ATAD2: variants seen among roughly 807,000 people sequenced by gnomAD.
The protein encoded by ATAD2 is ATPase family AAA domain-containing protein 2.
In ATAD2, 62 loss-of-function variants were observed where a neutral mutation model predicts 168.9. The ratio of observed to expected loss-of-function variants is 0.37; its 90% CI spans 0.30 to 0.45. The LOEUF is 0.45. ATAD2 is among the 20% of genes least tolerant of loss of function. The pLI is 1.00. For synonymous variants in ATAD2, 613 were observed against 571.6 expected (o/e 1.07, Z -1.03); for missense variants, 1,419 against 1,667.8 (o/e 0.85, Z 2.60).
intron 1 of ATAD2, among the ~76,000 whole-genome samples, chr8:123,409,374 A>G (rs1813119133): frequency 6.6e-6 from 1 of 152,226 alleles, no homozygotes; most frequent in Non-Finnish European, 1.5e-5. Context: ...CATTGCTGCC[A>G]TAGCACAAAT....
rs3082714 is a variant in ATAD2, at chr8:123,327,511, TA to T, written c.3868+678del. Among the ~76,000 whole-genome samples the T allele has an allele frequency of 3.0e-3, 424 of 141,970 alleles. 1 individual carries two copies. The highest frequency in any genetic ancestry group is 6.2e-3 in the Admixed American group (88 of 14,240). 93.1% of individuals were successfully genotyped at this position (141,970 alleles called of 152,430 possible). On this transcript the variant is annotated intron_variant, in intron 25 of 27. Transcript: ENST00000287394. ...GGCTTGCATTCAGTGTATCAGCCAC[TA>T]AAAAAAAAAAAGTCCATTAACTTAG...
chr8:123,380,565 A>G lies in ATAD2; in HGVS notation c.284T>C (p.Ile95Thr). ...CCTGCCATTAGCAAGTTGCTCCGTT[A>G]TTTCCACATTCTTCTCAAAACTAGA... ...SDSSFEKNVE[I>T]TEQLANGRHF... is the part of the protein sequence containing the mutation. Residue 95 changes from isoleucine to threonine, a missense_variant, in exon 2 of 28, where the codon ATA becomes ACA. Physicochemically the swap from Ile to Thr is moderately conservative, Grantham distance 89. Around this residue, in one of 5 missense-constraint regions of ATAD2, gnomAD observed 419 missense variants for 423.5 expected, o/e 0.99. Coordinates refer to ENST00000287394, the MANE Select transcript of ATAD2 (RefSeq NM_014109.4). The G allele has an allele frequency of 6.2e-7, 1 of 1,614,008 alleles. No homozygotes were observed. Among genetic ancestry groups the G allele is most frequent in the Non-Finnish European group, 8.5e-7 (1 of 1,179,984 alleles).
upstream of ATAD2, among the ~76,000 whole-genome samples, chr8:123,399,512 G>A (rs1272203209): frequency 6.6e-6 from 1 of 152,156 alleles, no homozygotes; most frequent in Non-Finnish European, 1.5e-5. Context: ...ACAGGGTCAT[G>A]TGATACAGAG....
chr8:123,336,038 T>A (rs1827904416), intron 22 of ATAD2, among the ~76,000 whole-genome samples: 1 of 152,194 alleles, frequency 6.6e-6, no homozygotes, highest in Admixed American at 6.5e-5. Flanking sequence ...ACAGAGTGCC[T>A]ACTTTTCCAC....
chr8:123,376,692 C>T (rs2129807280), intron 2 of ATAD2, among the ~76,000 whole-genome samples: 1 of 151,958 alleles, frequency 6.6e-6, no homozygotes, highest in East Asian at 2.0e-4. Flanking sequence ...CTGTGGCTAG[C>T]ACCTGTAATC....
intron 13 of ATAD2, among the ~76,000 whole-genome samples, chr8:123,353,978 C>T (rs1281939149): frequency 6.6e-6 from 1 of 151,984 alleles, no homozygotes; most frequent in Non-Finnish European, 1.5e-5. Context: ...ACTAAAAATA[C>T]AAAAAATTAG....
At chr8:123,405,039 A>G (rs1786919821) in intron 1 of ATAD2, among the ~76,000 whole-genome samples, 1 of 152,138 alleles carries the variant, frequency 6.6e-6, no homozygotes, top group South Asian at 2.1e-4. Context: ...GGGGCTGGCA[A>G]ACTTTTTCTG....
intron 13 of ATAD2, among the ~76,000 whole-genome samples, chr8:123,353,930 C>T (rs1032837869): frequency 3.3e-5 from 5 of 152,052 alleles, no homozygotes; most frequent in Admixed American, 2.6e-4. Context: ...ATCAGGAGTT[C>T]GAGACCAGCC....
intron 1 of ATAD2, 29 bp downstream of exon 1, chr8:123,396,158 C>G: frequency 3.3e-6 from 5 of 1,534,672 alleles, no homozygotes; most frequent in Non-Finnish European, 4.4e-6. Flanking sequence ...GGGAACCGCC[C>G]TGGGAGCCCG....
chr8:123,387,583 T>C (rs768996241), intron 1 of ATAD2, among the ~76,000 whole-genome samples: 1 of 152,188 alleles, frequency 6.6e-6, no homozygotes, highest in Non-Finnish European at 1.5e-5. Context: ...AACCTAGAGA[T>C]GTAATATTCT....
chr8:123,358,959 C>T (rs1028877165), intron 11 of ATAD2, among the ~76,000 whole-genome samples: 2 of 151,730 alleles, frequency 1.3e-5, no homozygotes, highest in East Asian at 1.9e-4. Context: ...CCGCCTTGGC[C>T]CCCCAAAGTG....
At position 123,336,522 on chromosome 8, in the gene ATAD2, T is replaced by A; in HGVS notation, c.3062A>T (p.Tyr1021Phe). The A allele has an allele frequency of 6.6e-7, 1 of 1,514,440 alleles. No individual in the cohort carries two copies. The highest frequency in any genetic ancestry group is 8.8e-7 in the Non-Finnish European group (1 of 1,136,830). 93.8% of individuals were successfully genotyped at this position (1,514,440 alleles called of 1,614,324 possible). A position where few individuals can be genotyped will look rare whatever the true frequency, so the allele number is the denominator to read the frequency against. ...KPVDPDEVPDYVTVIKQPMDL... is the reference protein window; with the variant it reads ...KPVDPDEVPDFVTVIKQPMDL... ...CATTGGTTGCTTTATTACAGTGACA[T>A]AATCAGGAACCTAAAATTCAAGCAA... The change falls in exon 22 of 28, where the codon TAT (tyrosine) becomes TTT (phenylalanine). Residue 1021 changes from tyrosine to phenylalanine, a missense_variant. Transcript: ENST00000287394.
At chr8:123,415,926 T>C (rs1415898511) in intron 1 of ATAD2, among the ~76,000 whole-genome samples, 2 of 152,188 alleles carry the variant, frequency 1.3e-5, no homozygotes, top group African/African-American at 2.4e-5. Flanking sequence ...GTGTCTTTTC[T>C]TCCAGACTGC....
At chr8:123,414,349 G>A (rs1386979208) in intron 1 of ATAD2, among the ~76,000 whole-genome samples, 2 of 152,154 alleles carry the variant, frequency 1.3e-5, no homozygotes, top group East Asian at 3.9e-4. Flanking sequence ...GACCCAACTG[G>A]CAAGTTGTAG....
At chr8:123,331,031 C>T (rs1012343284) in intron 24 of ATAD2, among the ~76,000 whole-genome samples, 3 of 152,126 alleles carry the variant, frequency 2.0e-5, no homozygotes, top group Non-Finnish European at 4.4e-5. Context: ...TCAAGCAATT[C>T]TCTTGCCTCA....
chr8:123,378,863 C>T (rs188628337), intron 2 of ATAD2, among the ~76,000 whole-genome samples: 1 of 151,334 alleles, frequency 6.6e-6, no homozygotes, highest in Non-Finnish European at 1.5e-5. Flanking sequence ...ATGATTATAG[C>T]TCACTGCAGC....
At chr8:123,384,805 ACTTT>A (rs747588210) in intron 1 of ATAD2, among the ~76,000 whole-genome samples, 12 of 152,202 alleles carry the variant, frequency 7.9e-5, no homozygotes, top group Non-Finnish European at 1.0e-4. Context: ...TTAAAATCTT[ACTTT>A]CTAAGTTTTA....
intron 18 of ATAD2, among the ~76,000 whole-genome samples, chr8:123,345,506 C>CAA (rs34282183): frequency 2.8e-3 from 139 of 50,108 alleles, no homozygotes; most frequent in African/African-American, 6.2e-3. Context: ...TATTAAAATA[C>CAA]AAAAAAAAAA....
chr8:123,369,208 T>TGCC, intron 7 of ATAD2, 33 bp from the exon 8 acceptor site: 1 of 689,868 alleles, frequency 1.4e-6, no homozygotes, highest in Non-Finnish European at 2.0e-6. Context: ...TATATTTGTA[T>TGCC]ATATATATAT....
Sources: allele counts gnomAD v4.1 joint callset (sites outside exome capture counted in the v4.1 genomes callset), GRCh38; gene constraint gnomAD v4.1.1; regional missense constraint gnomAD v4.1.1; transcripts MANE v1.5; gene names NCBI Gene and HGNC (gene_info 2026-07-23, HGNC 2026-07-21).